Variants in SERINC1 observed in about 807,000 individuals in gnomAD.
SERINC1 encodes serine incorporator 1.
In SERINC1, 38 loss-of-function variants were observed where a neutral mutation model predicts 52.9. That is an observed-to-expected ratio of 0.72 (90% confidence interval 0.55 to 0.94). SERINC1 has a LOEUF of 0.94. Among genes scored for constraint, SERINC1 ranks in the 40% least tolerant of loss-of-function variants. The probability of loss-of-function intolerance (pLI) is 0.00; values close to 1 mark genes in which losing one functional copy is unlikely to be tolerated. For synonymous variants in SERINC1, 198 were observed against 183.1 expected (o/e 1.08, Z -0.66); for missense variants, 471 against 533.9 (o/e 0.88, Z 1.16).
rs745697869 is a variant in SERINC1, at chr6:122,447,022, TAGG to T, written c.996-21_996-19del. Reference sequence around the variant, plus strand: ...TACGGATGCTGTATGAAAGAGAGTTTAGGAGGAGAGAAAAAAAAGAACATTTTT... The same window carrying T: ...TACGGATGCTGTATGAAAGAGAGTTTAGGAGAGAAAAAAAAGAACATTTTT... On this transcript the variant is annotated intron_variant, in intron 8 of 9. Transcript: ENST00000339697. 1.9e-5 allele frequency: 30 copies of T among 1,585,080 alleles called. No individual in the cohort carries two copies. Among genetic ancestry groups the T allele is most frequent in the East Asian group, 2.2e-5 (1 of 44,704 alleles).
intron 5 of SERINC1, among the ~76,000 whole-genome samples, 139 bp downstream of exon 5, chr6:122,453,615 TACAATGTGATATTTTG>T (rs1426747705): frequency 6.6e-6 from 1 of 152,204 alleles, no homozygotes. Flanking sequence ...AAGTTGCTGA[TACAATGTGATATTTTG>T]ACACTCACAA....
intron 5 of SERINC1, 33 bp downstream of exon 5, chr6:122,453,737 C>T: frequency 6.5e-7 from 1 of 1,534,954 alleles, no homozygotes; most frequent in Admixed American, 1.8e-5. Context: ...CAAAGTTCAA[C>T]TATACTGAAG....
intron 9 of SERINC1, among the ~76,000 whole-genome samples, chr6:122,445,401 T>C (rs1180735773): frequency 6.6e-6 from 1 of 152,156 alleles, no homozygotes; most frequent in African/African-American, 2.4e-5. Flanking sequence ...GCCTCTGAAA[T>C]AGTTATTTTG....
Position 122,444,003 on chromosome 6 carries a change from A to G in SERINC1, c.*1041T>C, listed in dbSNP as rs1011064389. ...AAAATTTTGCCTCCTTTGATTTTCA[A>G]TATATATATATTTTTTTGTCTTACT... is the stretch of plus-strand genomic sequence containing the variant. On this transcript the variant is annotated 3_prime_UTR_variant, in exon 10 of 10. Coordinates refer to ENST00000339697, the MANE Select transcript of SERINC1 (RefSeq NM_020755.4). 4 of 151,702 alleles carry G rather than the reference A, an allele frequency of 2.6e-5. No homozygotes were observed. Among genetic ancestry groups the G allele is most frequent in the African/African-American group, 9.7e-5 (4 of 41,282 alleles). 9.4% of individuals were successfully genotyped at this position (151,702 alleles called of 1,614,324 possible). A position where few individuals can be genotyped will look rare whatever the true frequency, so the allele number is the denominator to read the frequency against.
Position 122,445,049 on chromosome 6 carries a change from C to G in SERINC1, c.1357G>C (p.Asp453His). ...APLVLTNRDF[D>H] ...TTTCATGCTAGAAGTCTCACTCAGTCAAAATCACGATTTGTAAGAACAAGT... is the reference window on the plus strand; with the variant it reads ...TTTCATGCTAGAAGTCTCACTCAGTGAAAATCACGATTTGTAAGAACAAGT... The change falls in exon 10 of 10, where the codon GAC (aspartate) becomes CAC (histidine). Residue 453 changes from aspartate (D) to histidine (H), a missense_variant. Asp to His is a moderately conservative substitution (Grantham distance 81, BLOSUM62 -1). Transcript: ENST00000339697. 1 of 1,612,636 alleles carries G rather than the reference C, an allele frequency of 6.2e-7. No individual in the cohort carries two copies. Among genetic ancestry groups the G allele is most frequent in the Non-Finnish European group, 8.5e-7 (1 of 1,179,530 alleles).
Position 122,444,391 on chromosome 6 carries a change from C to G in SERINC1, c.*653G>C, listed in dbSNP as rs1433757836. 6.6e-6 allele frequency: 1 copy of G among 152,244 alleles called. No homozygotes were observed. The highest frequency in any genetic ancestry group is 2.1e-4 in the South Asian group (1 of 4,830). The allele number at this position is 152,244 out of a possible 1,614,324, so 9.4% of individuals were successfully genotyped here. A position where few individuals can be genotyped will look rare whatever the true frequency, so the allele number is the denominator to read the frequency against. On this transcript the variant is annotated 3_prime_UTR_variant, in exon 10 of 10. Transcript: ENST00000339697. ...CAGAGTTCCAAACATTTCCACTGAACCCATACTTCATGAGTTTAAAACAAC... is the reference window on the plus strand; with the variant it reads ...CAGAGTTCCAAACATTTCCACTGAAGCCATACTTCATGAGTTTAAAACAAC...
At chr6:122,463,726 T>A (rs1004664029) in intron 1 of SERINC1, among the ~76,000 whole-genome samples, 1 of 152,128 alleles carries the variant, frequency 6.6e-6, no homozygotes, top group Non-Finnish European at 1.5e-5. Context: ...CAACTAGAAC[T>A]CTCTTACTTT....
rs774107254 is a variant in SERINC1, at chr6:122,446,896, C to A, written c.1104G>T (p.Gly368=). The change falls in exon 9 of 10, where the codon GGG becomes GGT. Residue 368 remains glycine (G), a synonymous_variant. Transcript: ENST00000339697. ...GARSDGSLED[G]DDVHRAVDNE... ...TATCTACAGCTCGGTGAACATCGTC[C>A]CCATCCTCCAGTGATCCATCACTTC... 6.2e-7 allele frequency: 1 copy of A among 1,613,154 alleles called. No homozygotes were observed. Among genetic ancestry groups the A allele is most frequent in the African/African-American group, 1.3e-5 (1 of 75,010 alleles).
intron 1 of SERINC1, among the ~76,000 whole-genome samples, chr6:122,470,202 C>A (rs1206849614): frequency 6.6e-6 from 1 of 152,200 alleles, no homozygotes; most frequent in Non-Finnish European, 1.5e-5. Context: ...CACTTAGACC[C>A]CCATCTCTAA....
At chr6:122,454,538 A>C (rs1325685549) in intron 3 of SERINC1, 1 of 265,936 alleles carries the variant, frequency 3.8e-6, no homozygotes, top group Non-Finnish European at 7.6e-6. Flanking sequence ...GCAAGTCAAC[A>C]TGTGAAAGGA....
rs755133693 is a variant in SERINC1 at position 122,454,249 on chromosome 6, T to C, written c.372-19A>G. ...CCAAAATCTAAAACAAAAAGAAATA[T>C]AATTTTTTATTAATAGACATTCATC... On this transcript the variant is annotated intron_variant, in intron 3 of 9. Transcript: ENST00000339697. 4 of 1,307,622 alleles carry C rather than the reference T, an allele frequency of 3.1e-6. No individual in the cohort carries two copies. In the Admixed American group the frequency reaches 8.3e-5, roughly 27 times the overall value. The allele number at this position is 1,307,622 out of a possible 1,614,324, so 81.0% of individuals were successfully genotyped here.
intron 4 of SERINC1, 30 bp from the exon 5 acceptor site, chr6:122,453,937 A>C (rs1234420509): frequency 1.3e-6 from 2 of 1,549,412 alleles, no homozygotes; most frequent in Non-Finnish European, 1.7e-6. Context: ...TACATAAGTG[A>C]TTGGTTAGTT....
At chr6:122,448,568 ACAAAGCCCAAT>A (rs1774848703) in intron 7 of SERINC1, among the ~76,000 whole-genome samples, 1 of 152,150 alleles carries the variant, frequency 6.6e-6, no homozygotes. Context: ...AAGATGCATT[ACAAAGCCCAAT>A]TATCAAATTC....
intron 1 of SERINC1, among the ~76,000 whole-genome samples, chr6:122,465,634 G>A (rs373134124): frequency 2.0e-5 from 3 of 152,008 alleles, no homozygotes; most frequent in Admixed American, 6.6e-5. Flanking sequence ...ATCACTTCAC[G>A]GTAGTCACAG....
intron 1 of SERINC1, among the ~76,000 whole-genome samples, chr6:122,466,029 A>G (rs1227479505): frequency 6.6e-6 from 1 of 152,092 alleles, no homozygotes; most frequent in Non-Finnish European, 1.5e-5. Context: ...TGAGGTCAGG[A>G]GTTCAAGACC....
chr6:122,471,133 C>T (rs541915218), intron 1 of SERINC1, among the ~76,000 whole-genome samples: 2 of 151,814 alleles, frequency 1.3e-5, no homozygotes, highest in South Asian at 2.1e-4. Context: ...TACGGCAGAG[C>T]TATGACTATT....
At chr6:122,451,370 A>G (rs535720269) in intron 7 of SERINC1, among the ~76,000 whole-genome samples, 4 of 152,268 alleles carry the variant, frequency 2.6e-5, no homozygotes, top group African/African-American at 9.6e-5. Context: ...AAGATAAACA[A>G]AAGTTTTATA....
chr6:122,456,428 T>C, intron 3 of SERINC1, 53 bp downstream of exon 3: 1 of 1,155,416 alleles, frequency 8.7e-7, no homozygotes, highest in Non-Finnish European at 1.2e-6. Context: ...AACTGGCAAT[T>C]ATCAAGAAGA....
intron 2 of SERINC1, among the ~76,000 whole-genome samples, chr6:122,458,218 G>T (rs140743242): frequency 5.9e-5 from 9 of 151,952 alleles, no homozygotes; most frequent in Admixed American, 3.3e-4. Flanking sequence ...TTCAATCTCT[G>T]TATATGCAAG....
Sources: gnomAD v4.1 joint callset for allele counts (sites outside exome capture counted in the v4.1 genomes callset) on GRCh38, gnomAD v4.1.1 for gene constraint, MANE v1.5 for transcripts, NCBI Gene and HGNC (gene_info 2026-07-23, HGNC 2026-07-21) for gene names.